SLC6A17: variants seen among roughly 807,000 people sequenced by gnomAD.
SLC6A17 encodes solute carrier family 6 member 17, also known as sodium-dependent neutral amino acid transporter SLC6A17.
A neutral mutation model predicts 64.5 loss-of-function variants in SLC6A17; 21 were observed. The ratio of observed to expected loss-of-function variants is 0.33; its 90% CI spans 0.23 to 0.47. SLC6A17 has a LOEUF of 0.47. Ranked by LOEUF, SLC6A17 falls within the 20% of genes least tolerant of loss-of-function variation. The probability of loss-of-function intolerance (pLI) is 1.00; values close to 1 mark genes in which losing one functional copy is unlikely to be tolerated. For synonymous variants in SLC6A17, 372 were observed against 399.5 expected (o/e 0.93, Z 0.82); for missense variants, 682 against 963.2 (o/e 0.71, Z 3.86).
intron 1 of SLC6A17, among the ~76,000 whole-genome samples, chr1:110,151,625 C>T (rs1322682450): frequency 6.6e-6 from 1 of 152,150 alleles, no homozygotes; most frequent in African/African-American, 2.4e-5. Flanking sequence ...TATGGGTGGG[C>T]CGCTCCCCAG....
rs533437109 is a variant in SLC6A17, at chr1:110,198,185, A to G, written c.1925A>G (p.His642Arg). The change falls in exon 12 of 12, where the codon CAC (histidine) becomes CGC (arginine). Residue 642 changes from histidine (H) to arginine (R), a missense_variant. Coordinates refer to ENST00000331565, the MANE Select transcript of SLC6A17 (RefSeq NM_001010898.4). ...GTGGTGTTCGTCCTGCGGCACTTCC[A>G]CCTGCTCTCTGATGGCTCCAACACC... ...IPVVFVLRHFHLLSDGSNTLS... is the reference protein window; with the variant it reads ...IPVVFVLRHFRLLSDGSNTLS... 30 of 1,613,928 alleles carry G rather than the reference A, an allele frequency of 1.9e-5. No individual in the cohort carries two copies. The African/African-American group carries it at 2.8e-4, about 15-fold the overall frequency.
In SLC6A17 at chr1:110,192,933, G is replaced by A. The variant is rs1656869716; in HGVS notation, c.1299+235G>A. 6.6e-6 allele frequency among the ~76,000 whole-genome samples: 1 copy of A among 152,228 alleles called. No homozygotes were observed. Among genetic ancestry groups the A allele is most frequent in the Admixed American group, 6.5e-5 (1 of 15,284 alleles). On this transcript the variant is annotated intron_variant, in intron 8 of 11. Transcript: ENST00000331565. This position sits in a 1 kb window ranked among gnomAD's most constrained non-coding sequence, Gnocchi z 4.3. ...AAGTAGGGCAGACACACACCTCTCA[G>A]AAGTCACAGTAAGTGTATGGGACGA... is the stretch of plus-strand genomic sequence containing the variant.
At chr1:110,188,327 C>T (rs1422117595) in intron 6 of SLC6A17, among the ~76,000 whole-genome samples, 1 of 152,244 alleles carries the variant, frequency 6.6e-6, no homozygotes, top group African/African-American at 2.4e-5. Context: ...CAGACATCCG[C>T]CTATGCAAGG....
rs772188864 is a variant in SLC6A17, at chr1:110,176,623, C to A, written c.754-6C>A. 6.2e-7 allele frequency: 1 copy of A among 1,613,896 alleles called. No individual in the cohort carries two copies. The highest frequency in any genetic ancestry group is 1.1e-5 in the South Asian group (1 of 91,082). ...GCCTGATGGGGGTTCCCTGTCCTCT[C>A]TGCAGGTGATGTATTTCAGCTCCCT... On this transcript the variant is annotated splice_region_variant and splice_polypyrimidine_tract_variant and intron_variant, in intron 5 of 11. Transcript: ENST00000331565.
chr1:110,156,547 G>A (rs1260053798), intron 1 of SLC6A17, among the ~76,000 whole-genome samples: 1 of 152,146 alleles, frequency 6.6e-6, no homozygotes, highest in Non-Finnish European at 1.5e-5. Context: ...TTTGGTAGAT[G>A]ACAGTCTGAA....
chr1:110,184,307 A>G (rs1389920686), intron 6 of SLC6A17, among the ~76,000 whole-genome samples: 4 of 152,046 alleles, frequency 2.6e-5, no homozygotes, highest in Non-Finnish European at 5.9e-5. Context: ...GGGTTTCACC[A>G]TGTTAGCTAG....
At chr1:110,154,678 T>A (rs797004320) in intron 1 of SLC6A17, among the ~76,000 whole-genome samples, 4 of 152,232 alleles carry the variant, frequency 2.6e-5, no homozygotes, top group African/African-American at 7.2e-5. Flanking sequence ...TAGGGGTTCG[T>A]GTGTAGAGCA....
intron 1 of SLC6A17, among the ~76,000 whole-genome samples, chr1:110,157,584 T>C (rs1314904109): frequency 1.3e-5 from 2 of 151,574 alleles, no homozygotes; most frequent in Non-Finnish European, 2.9e-5. Context: ...AAAAAATAAA[T>C]AAATAAAAAT....
At chr1:110,186,448 A>AG (rs1272214778) in intron 6 of SLC6A17, among the ~76,000 whole-genome samples, 1 of 99,532 alleles carries the variant, frequency 1.0e-5, no homozygotes. Context: ...TAATTACCAA[A>AG]AAAAAAAAAA....
intron 1 of SLC6A17, among the ~76,000 whole-genome samples, chr1:110,163,561 G>T (rs1655972686): frequency 6.6e-6 from 1 of 152,136 alleles, no homozygotes; most frequent in Non-Finnish European, 1.5e-5. Flanking sequence ...ATCATTAAAT[G>T]CAACCTTTTC....
chr1:110,196,092 G>A (rs1244818487), intron 10 of SLC6A17, among the ~76,000 whole-genome samples: 1 of 152,226 alleles, frequency 6.6e-6, no homozygotes, highest in Non-Finnish European at 1.5e-5. Flanking sequence ...GTAGACTTCA[G>A]CAGCCTGGTT....
rs1194276475 is a variant in SLC6A17 at position 110,179,636 on chromosome 1, G to A, written c.864+2897G>A. Among the ~76,000 whole-genome samples, 14 of 146,772 alleles carry A rather than the reference G, an allele frequency of 9.5e-5. No individual in the cohort carries two copies. In the South Asian group the frequency reaches 2.4e-3, roughly 26 times the overall value. ...TGGCACGATCTCAGCTCACCACAACGTCCACCTCCCGGGTTCAAGCTATTC... is the reference window on the plus strand; with the variant it reads ...TGGCACGATCTCAGCTCACCACAACATCCACCTCCCGGGTTCAAGCTATTC... On this transcript the variant is annotated intron_variant, in intron 6 of 11. Coordinates refer to ENST00000331565, the MANE Select transcript of SLC6A17 (RefSeq NM_001010898.4).
chr1:110,173,897 T>A, intron 3 of SLC6A17, 76 bp from the exon 4 acceptor site: 12 of 1,528,672 alleles, frequency 7.8e-6, no homozygotes, highest in Admixed American at 6.0e-5. Context: ...GCCGACGTGC[T>A]GGGCCTCGGG....
At chr1:110,191,407 C>T (rs1187157365) in intron 6 of SLC6A17, among the ~76,000 whole-genome samples, 1 of 152,180 alleles carries the variant, frequency 6.6e-6, no homozygotes, top group Non-Finnish European at 1.5e-5. Flanking sequence ...GCCCTTTCTC[C>T]AGGAATTGTC....
intron 3 of SLC6A17, 37 bp downstream of exon 3, chr1:110,172,254 C>G: frequency 6.5e-7 from 1 of 1,544,536 alleles, no homozygotes; most frequent in Non-Finnish European, 8.7e-7. Flanking sequence ...GAGTGGGAGG[C>G]AGGGGGCTGC....
intron 6 of SLC6A17, chr1:110,178,869 A>AATTAGGG (rs1428389181): frequency 6.6e-6 from 1 of 152,216 alleles, no homozygotes; most frequent in East Asian, 1.9e-4. Context: ...CTGTCATGGG[A>AATTAGGG]ATTTTGAAGG....
At chr1:110,159,565 C>T (rs990086538) in intron 1 of SLC6A17, among the ~76,000 whole-genome samples, 1 of 152,300 alleles carries the variant, frequency 6.6e-6, no homozygotes, top group Admixed American at 6.5e-5. Context: ...TTGGAATGGT[C>T]CCACAAGTCC....
intron 1 of SLC6A17, among the ~76,000 whole-genome samples, chr1:110,154,109 A>G (rs1297300132): frequency 6.6e-6 from 1 of 152,234 alleles, no homozygotes; most frequent in Non-Finnish European, 1.5e-5. Context: ...GCTTGGCACA[A>G]ATTGATAATA....
chr1:110,160,240 C>T (rs1655870999), intron 1 of SLC6A17, among the ~76,000 whole-genome samples: 1 of 152,226 alleles, frequency 6.6e-6, no homozygotes, highest in Non-Finnish European at 1.5e-5. Flanking sequence ...ATTAGAGTCC[C>T]CCTGGCTGGG....
Sources: allele counts gnomAD v4.1 joint callset (sites outside exome capture counted in the v4.1 genomes callset), GRCh38; gene constraint gnomAD v4.1.1; non-coding constraint Gnocchi (gnomAD v3.1); transcripts MANE v1.5; gene names NCBI Gene and HGNC (gene_info 2026-07-23, HGNC 2026-07-21).